NELL1: variants seen among roughly 807,000 people sequenced by gnomAD.
The protein encoded by NELL1 is neural EGFL like 1.
In NELL1, 76 loss-of-function variants were observed where a neutral mutation model predicts 107.4. That is an observed-to-expected ratio of 0.71 (90% CI 0.59 to 0.86). The LOEUF is 0.86. Among genes scored for constraint, NELL1 ranks in the 40% least tolerant of loss-of-function variants. NELL1 has a pLI of 0.00. For synonymous variants in NELL1, 353 were observed against 341.2 expected (o/e 1.03, Z -0.38); for missense variants, 1,024 against 1,005.5 (o/e 1.02, Z -0.25).
chr11:20,961,097 T>C lies in NELL1; in HGVS notation c.1300+537T>C, dbSNP rs954533486. The stretch of plus-strand genomic sequence containing the variant: ...ACAGTAATGGAGGGACTCATAACTT[T>C]GGCACATGGGCTGATGCCATTACAG... On this transcript the variant is annotated intron_variant, in intron 12 of 19. Transcript: ENST00000357134. Among the ~76,000 whole-genome samples, 14 of 152,316 alleles carry C rather than the reference T, an allele frequency of 9.2e-5. 1 individual carries two copies. In the South Asian group the frequency reaches 1.4e-3, roughly 16 times the overall value.
At chr11:21,217,893 G>A (rs540395407) in intron 13 of NELL1, among the ~76,000 whole-genome samples, 59 of 152,274 alleles carry the variant, frequency 3.9e-4, no homozygotes, top group African/African-American at 1.4e-3. Context: ...GGCTACTGAC[G>A]CCAGAGTCAC....
rs1161737750 is a variant in NELL1, at chr11:20,778,498, C to CTT, written c.185-5159_185-5158dup. Reference sequence around the variant, plus strand: ...TCCAATCTCCTCCCTTCACCCAGCACTTTTTTTTTTTTTTTTTTTTTTTTG... The same window carrying CTT: ...TCCAATCTCCTCCCTTCACCCAGCACTTTTTTTTTTTTTTTTTTTTTTTTTTG... On this transcript the variant is annotated intron_variant, in intron 2 of 19. Transcript: ENST00000357134. Among the ~76,000 whole-genome samples, 275 of 73,006 alleles carry CTT rather than the reference C, an allele frequency of 3.8e-3. 4 individuals carry two copies. The highest frequency in any genetic ancestry group is 7.1e-3 in the African/African-American group (116 of 16,392). The allele number at this position is 73,006 out of a possible 152,430, so 47.9% of individuals were successfully genotyped here.
intron 3 of NELL1, among the ~76,000 whole-genome samples, chr11:20,800,532 TA>T (rs1205308070): frequency 6.6e-6 from 1 of 152,256 alleles, no homozygotes; most frequent in East Asian, 1.9e-4. Flanking sequence ...TGTCCATTTT[TA>T]AATTGGATTA....
At position 20,802,408 on chromosome 11, in the gene NELL1, GT is replaced by G. The variant is rs199782567; in HGVS notation, c.335+18589del. On this transcript the variant is annotated intron_variant, in intron 3 of 19. Transcript: ENST00000357134. ...TTCATTGTTGGTGTACAGAAATGCTGTTTTTTTTTTTGTATCCTACAAGTTT... is the reference window on the plus strand; with the variant it reads ...TTCATTGTTGGTGTACAGAAATGCTGTTTTTTTTTTGTATCCTACAAGTTT... 6.4e-3 allele frequency among the ~76,000 whole-genome samples: 925 copies of G among 145,088 alleles called. 9 individuals carry two copies. The highest frequency in any genetic ancestry group is 0.018 in the African/African-American group (737 of 40,256).
chr11:21,016,722 A>G (rs1463062710), intron 12 of NELL1, among the ~76,000 whole-genome samples: 1 of 151,928 alleles, frequency 6.6e-6, no homozygotes, highest in Non-Finnish European at 1.5e-5. Flanking sequence ...TATATTGATC[A>G]TTTCCACCTT....
At chr11:21,254,125 C>T (rs899400615) in intron 14 of NELL1, among the ~76,000 whole-genome samples, 2 of 152,036 alleles carry the variant, frequency 1.3e-5, no homozygotes, top group Non-Finnish European at 2.9e-5. Context: ...ACTCCTTCTC[C>T]ATATGCCTGG....
intron 12 of NELL1, among the ~76,000 whole-genome samples, chr11:21,094,425 G>C (rs1055757747): frequency 6.6e-6 from 1 of 152,302 alleles, no homozygotes; most frequent in Middle Eastern, 3.4e-3. Flanking sequence ...CTGGGGTCTG[G>C]AGGATGGTGT....
At chr11:20,894,854 A>G (rs941691216) in intron 5 of NELL1, among the ~76,000 whole-genome samples, 5 of 152,340 alleles carry the variant, frequency 3.3e-5, no homozygotes, top group African/African-American at 9.6e-5. Context: ...TGTGGGGTAC[A>G]TGTAAATGTT....
chr11:20,751,382 C>T (rs1807469949), intron 2 of NELL1, among the ~76,000 whole-genome samples: 1 of 152,152 alleles, frequency 6.6e-6, no homozygotes, highest in South Asian at 2.1e-4. Flanking sequence ...AATCCATCAA[C>T]ATTGTCTATC....
chr11:20,686,436 A>G (rs571678241), intron 2 of NELL1, among the ~76,000 whole-genome samples: 1 of 152,290 alleles, frequency 6.6e-6, no homozygotes, highest in South Asian at 2.1e-4. Context: ...GACAAATTAA[A>G]TTTAACAGAA....
chr11:21,109,407 C>G (rs902323988), intron 12 of NELL1, among the ~76,000 whole-genome samples: 2 of 152,078 alleles, frequency 1.3e-5, no homozygotes, highest in African/African-American at 2.4e-5. Flanking sequence ...TGGACTGATT[C>G]AAATTTTTAG....
At chr11:21,045,931 A>G (rs1037339339) in intron 12 of NELL1, among the ~76,000 whole-genome samples, 1 of 152,120 alleles carries the variant, frequency 6.6e-6, no homozygotes, top group Admixed American at 6.6e-5. Context: ...ATTTCTTGTT[A>G]ATGTTATTTC....
At position 20,975,007 on chromosome 11, in the gene NELL1, G is replaced by A. The variant is rs940544140; in HGVS notation, c.1300+14447G>A. Reference sequence around the variant, plus strand: ...TTATTTCCATAGGTGATAAAAATCCGGGCCTTTTTTCTTCTCTTTTCAGAT... The same window carrying A: ...TTATTTCCATAGGTGATAAAAATCCAGGCCTTTTTTCTTCTCTTTTCAGAT... On this transcript the variant is annotated intron_variant, in intron 12 of 19. Transcript: ENST00000357134. 5.3e-5 allele frequency among the ~76,000 whole-genome samples: 8 copies of A among 151,614 alleles called. No homozygotes were observed. In the East Asian group the frequency reaches 5.8e-4, roughly 11 times the overall value.
chr11:21,426,347 T>C (rs1290555226), intron 15 of NELL1, among the ~76,000 whole-genome samples: 1 of 152,192 alleles, frequency 6.6e-6, no homozygotes, highest in African/African-American at 2.4e-5. Context: ...ATACTTGACA[T>C]ACAATATATA....
chr11:21,387,703 T>C (rs552403277), intron 15 of NELL1, among the ~76,000 whole-genome samples: 1 of 151,950 alleles, frequency 6.6e-6, no homozygotes, highest in African/African-American at 2.4e-5. Context: ...ATCTTCTGTG[T>C]TTTTTCTCAA....
At chr11:20,818,385 A>G (rs942555621) in intron 3 of NELL1, among the ~76,000 whole-genome samples, 1 of 145,700 alleles carries the variant, frequency 6.9e-6, no homozygotes, top group East Asian at 2.0e-4. Context: ...GTTTCATCCC[A>G]TATAAGAGAA....
chr11:21,557,154 T>G (rs896857478), intron 16 of NELL1, among the ~76,000 whole-genome samples: 8 of 152,018 alleles, frequency 5.3e-5, no homozygotes, highest in African/African-American at 1.9e-4. Flanking sequence ...ACATCTGGCT[T>G]TCCATAAATC....
intron 14 of NELL1, among the ~76,000 whole-genome samples, chr11:21,347,421 G>A (rs1850708814): frequency 6.6e-6 from 1 of 152,100 alleles, no homozygotes; most frequent in African/African-American, 2.4e-5. Context: ...TGACCAACAT[G>A]GTGAAACCCC....
intron 14 of NELL1, among the ~76,000 whole-genome samples, chr11:21,292,989 G>C (rs1288315470): frequency 6.6e-6 from 1 of 152,092 alleles, no homozygotes; most frequent in Non-Finnish European, 1.5e-5. Flanking sequence ...AGAAAACCTA[G>C]GCAATACCAT....
Sources: allele counts gnomAD v4.1 joint callset (sites outside exome capture counted in the v4.1 genomes callset), GRCh38; gene constraint gnomAD v4.1.1; transcripts MANE v1.5; gene names NCBI Gene and HGNC (gene_info 2026-07-23, HGNC 2026-07-21).